LSAMP: variants seen among roughly 807,000 people sequenced by gnomAD.
The protein encoded by LSAMP is limbic system associated membrane protein.
Under a neutral mutation model 38.6 loss-of-function variants are expected in LSAMP, and 7 were observed. The observed-to-expected ratio is 0.18, with a 90% confidence interval of 0.10 to 0.34. LSAMP has a LOEUF of 0.34. Ranked by LOEUF, LSAMP falls within the 10% of genes least tolerant of loss-of-function variation. LSAMP has a pLI of 1.00. For missense variants in LSAMP, 313 were observed against 420.0 expected (o/e 0.75, Z 2.23); for synonymous variants, 154 against 166.8 (o/e 0.92, Z 0.59).
intron 1 of LSAMP, among the ~76,000 whole-genome samples, chr3:116,390,788 A>C (rs2048683792): frequency 1.3e-5 from 2 of 151,700 alleles, no homozygotes. Context: ...TTACAGTAAC[A>C]ATAATATCCA....
At chr3:116,226,659 C>T (rs371803053) in intron 1 of LSAMP, among the ~76,000 whole-genome samples, 3 of 152,338 alleles carry the variant, frequency 2.0e-5, no homozygotes, top group East Asian at 1.9e-4. Flanking sequence ...AGTTGAACCC[C>T]TTCAAGGGTT....
intron 1 of LSAMP, among the ~76,000 whole-genome samples, chr3:116,166,226 C>T (rs1313779838): frequency 1.3e-5 from 2 of 152,234 alleles, no homozygotes; most frequent in Non-Finnish European, 2.9e-5. Flanking sequence ...TTTATCTCCT[C>T]ACAACTGCTC....
chr3:116,402,812 C>T (rs984383474), intron 1 of LSAMP, among the ~76,000 whole-genome samples: 2 of 151,392 alleles, frequency 1.3e-5, no homozygotes, highest in Non-Finnish European at 1.5e-5. Context: ...TGCAGTAAAA[C>T]CCCCCTTCTC....
At chr3:115,834,459 G>A in intron 6 of LSAMP, 1 of 882,116 alleles carries the variant, frequency 1.1e-6, no homozygotes, top group Non-Finnish European at 1.6e-6. Context: ...TATATTGTAT[G>A]TGAATTTTTT....
chr3:115,837,995 T>TG (rs899938005), intron 6 of LSAMP: 8 of 152,230 alleles, frequency 5.3e-5, no homozygotes, highest in African/African-American at 1.9e-4. Context: ...AAGTTTAATA[T>TG]GGTGGCCTCC....
intron 3 of LSAMP, among the ~76,000 whole-genome samples, chr3:115,854,054 C>G (rs1413970567): frequency 6.6e-6 from 1 of 151,938 alleles, no homozygotes; most frequent in Non-Finnish European, 1.5e-5. Flanking sequence ...TATAACACAA[C>G]TCTCTGGATA....
At chr3:115,991,913 G>C (rs1489699484) in intron 3 of LSAMP, among the ~76,000 whole-genome samples, 4 of 151,980 alleles carry the variant, frequency 2.6e-5, no homozygotes, top group Admixed American at 2.6e-4. Context: ...CCAGGGTAAA[G>C]GAGAAAGGAA....
intron 3 of LSAMP, among the ~76,000 whole-genome samples, chr3:115,964,011 C>T (rs915835159): frequency 2.0e-5 from 3 of 152,146 alleles, no homozygotes; most frequent in African/African-American, 7.2e-5. Context: ...TTTCAGCCTC[C>T]CAAAGTGCTG....
intron 1 of LSAMP, among the ~76,000 whole-genome samples, chr3:116,132,750 T>C (rs1006629048): frequency 4.7e-4 from 72 of 152,328 alleles, no homozygotes; most frequent in Non-Finnish European, 1.0e-3. Flanking sequence ...CTTTTAAATT[T>C]TTAAACAATT....
intron 3 of LSAMP, among the ~76,000 whole-genome samples, chr3:115,922,197 AT>A (rs1937398437): frequency 6.6e-6 from 1 of 152,026 alleles, no homozygotes; most frequent in Non-Finnish European, 1.5e-5. Flanking sequence ...TCCTTCTGGA[AT>A]TTCCATAATG....
At chr3:116,338,405 T>G (rs1183256158) in intron 1 of LSAMP, among the ~76,000 whole-genome samples, 1 of 152,076 alleles carries the variant, frequency 6.6e-6, no homozygotes, top group African/African-American at 2.4e-5. Flanking sequence ...CCTCCCCAGC[T>G]GTTCCTTTAT....
At chr3:115,820,022 CTT>C (rs34311842) in intron 6 of LSAMP, among the ~76,000 whole-genome samples, 38 of 145,494 alleles carry the variant, frequency 2.6e-4, no homozygotes, top group African/African-American at 3.5e-4. Flanking sequence ...GAAATAAACA[CTT>C]TTTTTTTTTT....
chr3:115,987,643 T>C (rs1939548663), intron 3 of LSAMP, among the ~76,000 whole-genome samples: 1 of 152,186 alleles, frequency 6.6e-6, no homozygotes, highest in Non-Finnish European at 1.5e-5. Context: ...TCAGATAGAA[T>C]GTAGTTTTAC....
chr3:116,309,652 T>C (rs983938153), intron 1 of LSAMP, among the ~76,000 whole-genome samples: 9 of 152,098 alleles, frequency 5.9e-5, no homozygotes, highest in African/African-American at 1.9e-4. Context: ...AAGAGTCTAT[T>C]ACTTCATGAT....
At chr3:115,899,150 G>C (rs1936806883) in intron 3 of LSAMP, among the ~76,000 whole-genome samples, 1 of 152,172 alleles carries the variant, frequency 6.6e-6, no homozygotes, top group Non-Finnish European at 1.5e-5. Flanking sequence ...AACAGAAGCA[G>C]ATGTATTCAG....
At position 115,964,274 on chromosome 3, in the gene LSAMP, G is replaced by C. The variant is rs376085029; in HGVS notation, c.514+55241C>G. On this transcript the variant is annotated intron_variant, in intron 3 of 6. Transcript: ENST00000490035. ...TAGGATATGTGTCTTACTCATGTTT[G>C]AATCTCACATATCAACTAGAGTAAG... 8.5e-5 allele frequency among the ~76,000 whole-genome samples: 13 copies of C among 152,230 alleles called. No individual in the cohort carries two copies. The East Asian group carries it at 2.1e-3, about 25-fold the overall frequency.
At chr3:116,040,895 C>T (rs770218831) in intron 2 of LSAMP, among the ~76,000 whole-genome samples, 1 of 152,040 alleles carries the variant, frequency 6.6e-6, no homozygotes, top group Non-Finnish European at 1.5e-5. Context: ...CCATGCCTGG[C>T]TAATTTGTTT....
chr3:115,857,426 A>G, intron 3 of LSAMP, among the ~76,000 whole-genome samples: 1 of 152,220 alleles, frequency 6.6e-6, no homozygotes, highest in African/African-American at 2.4e-5. Context: ...CCAGAAATGG[A>G]CACAAAACCT....
chr3:115,886,417 A>G (rs1027752655), intron 3 of LSAMP, among the ~76,000 whole-genome samples: 1 of 152,130 alleles, frequency 6.6e-6, no homozygotes, highest in South Asian at 2.1e-4. Context: ...TTCAAGTGGC[A>G]GTGATGTAAA....
Sources: allele counts gnomAD v4.1 joint callset (sites outside exome capture counted in the v4.1 genomes callset), GRCh38; gene constraint gnomAD v4.1.1; transcripts MANE v1.5; gene names NCBI Gene and HGNC (gene_info 2026-07-23, HGNC 2026-07-21).